The following EIPR1 variants were observed in gnomAD, a reference collection of about 807,000 sequenced individuals.
The protein encoded by EIPR1 is EARP complex and GARP complex interacting protein 1, also known as EARP and GARP complex-interacting protein 1.
In EIPR1, 25 loss-of-function variants were observed where a neutral mutation model predicts 48.1. That is an observed-to-expected ratio of 0.52 (90% confidence interval 0.38 to 0.73). The LOEUF is 0.73. EIPR1 is among the 30% of genes least tolerant of loss of function. The pLI, the probability that EIPR1 is intolerant of heterozygous loss-of-function variation, is 0.00. For synonymous variants in EIPR1, 204 were observed against 201.9 expected (o/e 1.01, Z -0.09); for missense variants, 415 against 506.2 (o/e 0.82, Z 1.73).
At chr2:3,322,546 C>T (rs1267696213) in intron 3 of EIPR1, among the ~76,000 whole-genome samples, 2 of 152,162 alleles carry the variant, frequency 1.3e-5, no homozygotes, top group South Asian at 2.1e-4. Flanking sequence ...GGCAAAATCA[C>T]GGCAAAACTT....
intron 3 of EIPR1, among the ~76,000 whole-genome samples, chr2:3,290,992 C>T: frequency 6.6e-6 from 1 of 152,224 alleles, no homozygotes. Context: ...CGGGCCAGCC[C>T]TCAGTTTTCT....
chr2:3,254,458 C>G (rs548234281), intron 4 of EIPR1, among the ~76,000 whole-genome samples: 3 of 152,188 alleles, frequency 2.0e-5, no homozygotes, highest in Admixed American at 6.5e-5. Context: ...CTTAACAAAC[C>G]GTGGTGCGTC....
At chr2:3,274,216 C>A in intron 3 of EIPR1, 1 of 1,448,036 alleles carries the variant, frequency 6.9e-7, no homozygotes, top group Non-Finnish European at 9.2e-7. Context: ...GGCACAATAT[C>A]AATAAACAAA....
At chr2:3,233,661 T>G (rs1666312013) in intron 4 of EIPR1, among the ~76,000 whole-genome samples, 2 of 152,304 alleles carry the variant, frequency 1.3e-5, no homozygotes, top group South Asian at 4.1e-4. Context: ...GTGTACTGGC[T>G]GCTTCTCACA....
At chr2:3,232,695 G>C (rs1666279415) in intron 4 of EIPR1, among the ~76,000 whole-genome samples, 2 of 152,060 alleles carry the variant, frequency 1.3e-5, no homozygotes, top group Admixed American at 6.6e-5. Flanking sequence ...TCCTCTCAGG[G>C]GAGAGAGCCG....
chr2:3,303,728 T>C (rs1668827533), intron 3 of EIPR1, among the ~76,000 whole-genome samples: 1 of 152,092 alleles, frequency 6.6e-6, no homozygotes, highest in South Asian at 2.1e-4. Flanking sequence ...CCCGGCACCG[T>C]GAACACAATA....
chr2:3,353,453 T>C (rs1670639739), intron 2 of EIPR1: 2 of 372,944 alleles, frequency 5.4e-6, no homozygotes, highest in South Asian at 4.1e-5. Context: ...GTCTATAACT[T>C]TTAATGAGTG....
intron 6 of EIPR1, 126 bp from the exon 7 acceptor site, chr2:3,194,292 C>T (rs1275075621): frequency 2.6e-6 from 3 of 1,167,210 alleles, no homozygotes; most frequent in South Asian, 3.0e-5. Context: ...GCTCTCATCC[C>T]CTCGGCGTTC....
chr2:3,280,951 C>T (rs1667995022), intron 3 of EIPR1, among the ~76,000 whole-genome samples: 1 of 152,208 alleles, frequency 6.6e-6, no homozygotes, highest in Non-Finnish European at 1.5e-5. Context: ...TCTTCCTCCC[C>T]TTGATCTCCC....
At chr2:3,204,529 C>T (rs944183160) in intron 5 of EIPR1, among the ~76,000 whole-genome samples, 5 of 152,124 alleles carry the variant, frequency 3.3e-5, no homozygotes, top group African/African-American at 1.2e-4. Context: ...ATCTGTTTTT[C>T]GACATTAAAG....
At chr2:3,367,107 TAA>T (rs34760448) in intron 1 of EIPR1, among the ~76,000 whole-genome samples, 203 of 142,564 alleles carry the variant, frequency 1.4e-3, no homozygotes, top group Non-Finnish European at 1.5e-3. Flanking sequence ...CTGATGAAAT[TAA>T]AAAAAAAAAA....
At position 3,189,829 on chromosome 2, in the gene EIPR1, G is replaced by A. The variant is rs541978258; in HGVS notation, c.990-321C>T. 1.3e-5 allele frequency among the ~76,000 whole-genome samples: 2 copies of A among 152,290 alleles called. No individual in the cohort carries two copies. Among genetic ancestry groups the A allele is most frequent in the African/African-American group, 4.8e-5 (2 of 41,558 alleles). ...GTGCCTGGGTTGATATTTTGTTGGAGGTCTTCCAAGGGCTTCCTTTAGCTC... is the reference window on the plus strand; with the variant it reads ...GTGCCTGGGTTGATATTTTGTTGGAAGTCTTCCAAGGGCTTCCTTTAGCTC... On this transcript the variant is annotated intron_variant, in intron 8 of 8. Coordinates refer to ENST00000382125, the MANE Select transcript of EIPR1 (RefSeq NM_003310.5). The surrounding 1 kb of genome is among the most constrained non-coding windows in gnomAD (Gnocchi z 4.6).
chr2:3,345,371 T>A (rs1046994277), intron 2 of EIPR1, among the ~76,000 whole-genome samples: 15 of 152,164 alleles, frequency 9.9e-5, no homozygotes, highest in African/African-American at 2.4e-4. Context: ...ACTTTGGGAC[T>A]GTGGATCACC....
intron 3 of EIPR1, among the ~76,000 whole-genome samples, chr2:3,299,665 G>A (rs1008841835): frequency 3.1e-5 from 4 of 130,054 alleles, no homozygotes; most frequent in Admixed American, 7.5e-5. Flanking sequence ...CACACTTTGA[G>A]TTATGGCCAT....
At chr2:3,202,123 G>C (rs984609072) in intron 5 of EIPR1, among the ~76,000 whole-genome samples, 4 of 152,048 alleles carry the variant, frequency 2.6e-5, no homozygotes, top group South Asian at 2.1e-4. Flanking sequence ...ATTTTTAGTA[G>C]AGACGGGGTT....
intron 3 of EIPR1, among the ~76,000 whole-genome samples, chr2:3,327,686 C>T (rs35400198): frequency 0.24 from 37,166 of 151,990 alleles, 4,812 homozygotes; most frequent in Non-Finnish European, 0.27. Context: ...TAATCAACAA[C>T]AGCCCTGCTG....
chr2:3,219,953 G>A (rs1372185656), intron 4 of EIPR1, among the ~76,000 whole-genome samples: 1 of 152,196 alleles, frequency 6.6e-6, no homozygotes, highest in Non-Finnish European at 1.5e-5. Context: ...TGAGGAGTGG[G>A]CAAGTGACAT....
At chr2:3,212,901 G>A (rs529492534) in intron 5 of EIPR1, among the ~76,000 whole-genome samples, 3 of 152,248 alleles carry the variant, frequency 2.0e-5, no homozygotes, top group South Asian at 4.1e-4. Flanking sequence ...TTAATTCCGC[G>A]GTGAAGGCTG....
intron 5 of EIPR1, among the ~76,000 whole-genome samples, chr2:3,200,150 C>T (rs929849541): frequency 5.3e-5 from 8 of 152,068 alleles, no homozygotes; most frequent in African/African-American, 1.9e-4. Flanking sequence ...GACAGGGGCA[C>T]CAGCAGGCTG....
Sources: allele counts gnomAD v4.1 joint callset (sites outside exome capture counted in the v4.1 genomes callset), GRCh38; gene constraint gnomAD v4.1.1; non-coding constraint Gnocchi (gnomAD v3.1); transcripts MANE v1.5; gene names NCBI Gene and HGNC (gene_info 2026-07-23, HGNC 2026-07-21).